ERGIC1: variants seen among roughly 807,000 people sequenced by gnomAD.
ERGIC1 encodes endoplasmic reticulum-golgi intermediate compartment 1.
ERGIC1 carries 19 observed loss-of-function variants against 38.3 expected under a neutral mutation model. That is an observed-to-expected ratio of 0.50 (90% confidence interval 0.35 to 0.73). ERGIC1 has a LOEUF of 0.73. Among genes scored for constraint, ERGIC1 ranks in the 30% least tolerant of loss-of-function variants. The pLI is 0.01. For synonymous variants in ERGIC1, 124 were observed against 157.6 expected (o/e 0.79, Z 1.60); for missense variants, 294 against 389.2 (o/e 0.76, Z 2.06).
At chr5:172,950,019 G>A (rs1384511675) in intron 9 of ERGIC1, among the ~76,000 whole-genome samples, 1 of 152,122 alleles carries the variant, frequency 6.6e-6, no homozygotes, top group African/African-American at 2.4e-5. Context: ...CTTGCAGTGA[G>A]CTGAGATCAC....
At chr5:172,925,020 T>C (rs558166560) in intron 6 of ERGIC1, among the ~76,000 whole-genome samples, 1 of 152,152 alleles carries the variant, frequency 6.6e-6, no homozygotes, top group Admixed American at 6.5e-5. Context: ...GGCGAACTGC[T>C]TGAGGTCAGA....
At chr5:172,839,047 C>T (rs1438340039) in intron 1 of ERGIC1, among the ~76,000 whole-genome samples, 5 of 151,572 alleles carry the variant, frequency 3.3e-5, no homozygotes, top group Admixed American at 6.6e-5. Context: ...TTGAGACCAG[C>T]CTGGCCAACA....
intron 1 of ERGIC1, chr5:172,867,592 CT>C (rs1323045490): frequency 7.4e-6 from 3 of 407,000 alleles, no homozygotes; most frequent in Non-Finnish European, 1.5e-5. Flanking sequence ...TAGCCGCCCC[CT>C]GTCCTCTGGG....
chr5:172,944,468 C>T (rs915848554), intron 9 of ERGIC1, among the ~76,000 whole-genome samples: 1 of 152,154 alleles, frequency 6.6e-6, no homozygotes, highest in Non-Finnish European at 1.5e-5. Flanking sequence ...AAGCAATTCT[C>T]CTGCCTCAGC....
chr5:172,854,188 C>G (rs1761481553), intron 1 of ERGIC1, among the ~76,000 whole-genome samples: 1 of 150,704 alleles, frequency 6.6e-6, no homozygotes, highest in Admixed American at 6.6e-5. Flanking sequence ...CGAGACCAGC[C>G]TGGGCAACAT....
intron 1 of ERGIC1, among the ~76,000 whole-genome samples, chr5:172,882,484 C>T (rs1366384408): frequency 2.6e-5 from 4 of 152,124 alleles, no homozygotes; most frequent in South Asian, 2.1e-4. Flanking sequence ...TCCCAGAGTA[C>T]GGGCAGTGGA....
At position 172,951,804 on chromosome 5, in the gene ERGIC1, C is replaced by G. The variant is rs989752430; in HGVS notation, c.*988C>G. 6.6e-6 allele frequency: 1 copy of G among 152,420 alleles called. No individual in the cohort carries two copies. The highest frequency in any genetic ancestry group is 2.4e-5 in the African/African-American group (1 of 41,474). The allele number at this position is 152,420 out of a possible 1,614,324, so 9.4% of individuals were successfully genotyped here. On this transcript the variant is annotated 3_prime_UTR_variant, in exon 10 of 10. Coordinates refer to ENST00000393784, the MANE Select transcript of ERGIC1 (RefSeq NM_001031711.3). Reference sequence around the variant, plus strand: ...ATGCAGCCTCTCAGACGGACGCCATCGGTCCCAAGGCCTTAGGTGGAGGAA... The same window carrying G: ...ATGCAGCCTCTCAGACGGACGCCATGGGTCCCAAGGCCTTAGGTGGAGGAA...
intron 6 of ERGIC1, among the ~76,000 whole-genome samples, chr5:172,924,681 C>T (rs976986197): frequency 2.6e-4 from 39 of 152,240 alleles, no homozygotes; most frequent in Non-Finnish European, 4.4e-5. Flanking sequence ...TCTCGCATTG[C>T]CACGTGCAGG....
chr5:172,885,659 C>T (rs1182731616), intron 1 of ERGIC1, among the ~76,000 whole-genome samples: 1 of 152,110 alleles, frequency 6.6e-6, no homozygotes, highest in South Asian at 2.1e-4. Flanking sequence ...AGGTCTAACA[C>T]GAAGTTGGGG....
At chr5:172,885,927 A>G (rs551915991) in intron 1 of ERGIC1, among the ~76,000 whole-genome samples, 271 of 152,178 alleles carry the variant, frequency 1.8e-3, no homozygotes, top group Non-Finnish European at 2.8e-3. Flanking sequence ...GTGAACTTCC[A>G]TGTAAAATTC....
intron 2 of ERGIC1, 71 bp from the exon 3 acceptor site, chr5:172,896,924 TCCTCTTC>T (rs1561723593): frequency 6.5e-6 from 9 of 1,390,238 alleles, no homozygotes; most frequent in Non-Finnish European, 9.2e-6. Flanking sequence ...GGGGCCTCTT[TCCTCTTC>T]CCTCTAGGCT....
intron 1 of ERGIC1, among the ~76,000 whole-genome samples, chr5:172,859,701 GGCTGGATTGCA>G (rs1761648049): frequency 2.0e-5 from 3 of 152,188 alleles, no homozygotes; most frequent in Admixed American, 6.5e-5. Context: ...GCTGGGCCTG[GGCTGGATTGCA>G]GCCCTTGCTG....
At chr5:172,911,979 A>G (rs1264668232) in intron 4 of ERGIC1, among the ~76,000 whole-genome samples, 1 of 151,844 alleles carries the variant, frequency 6.6e-6, no homozygotes, top group Non-Finnish European at 1.5e-5. Context: ...GTGTCTGTGA[A>G]CATATATTGG....
chr5:172,922,619 C>T (rs766119601), intron 5 of ERGIC1, among the ~76,000 whole-genome samples: 1 of 152,334 alleles, frequency 6.6e-6, no homozygotes, highest in African/African-American at 2.4e-5. Context: ...TGGGGCCACA[C>T]TGGATGCTGT....
At chr5:172,949,635 T>C (rs975470020) in intron 9 of ERGIC1, among the ~76,000 whole-genome samples, 6 of 148,220 alleles carry the variant, frequency 4.0e-5, no homozygotes, top group African/African-American at 1.2e-4. Flanking sequence ...TTTGGAGACA[T>C]TGTGGTTGTC....
chr5:172,847,666 CA>C (rs1761312228), intron 1 of ERGIC1, among the ~76,000 whole-genome samples: 1 of 152,104 alleles, frequency 6.6e-6, no homozygotes, highest in African/African-American at 2.4e-5. Context: ...AGGTGCGCGC[CA>C]CCACACCCAG....
At chr5:172,870,544 G>C (rs1033573117) in intron 1 of ERGIC1, among the ~76,000 whole-genome samples, 1 of 152,222 alleles carries the variant, frequency 6.6e-6, no homozygotes, top group African/African-American at 2.4e-5. Flanking sequence ...ACGTTTCCTG[G>C]AATCTCTTTC....
chr5:172,905,970 G>A (rs898223121), intron 3 of ERGIC1: 2 of 432,592 alleles, frequency 4.6e-6, no homozygotes, highest in African/African-American at 2.0e-5. Context: ...TACCTGATTG[G>A]TCAGGTGTGA....
chr5:172,890,134 T>G (rs1380814449), intron 2 of ERGIC1, among the ~76,000 whole-genome samples: 1 of 152,200 alleles, frequency 6.6e-6, no homozygotes, highest in Admixed American at 6.5e-5. Context: ...ATAAGCCACG[T>G]GCATATCGTG....
Sources: allele counts gnomAD v4.1 joint callset (sites outside exome capture counted in the v4.1 genomes callset), GRCh38; gene constraint gnomAD v4.1.1; transcripts MANE v1.5; gene names NCBI Gene and HGNC (gene_info 2026-07-23, HGNC 2026-07-21).